The following SLC22A3 variants were observed in gnomAD, a reference collection of about 807,000 sequenced individuals.
SLC22A3 encodes EMT organic cation transporter 3.
A neutral mutation model predicts 59.1 loss-of-function variants in SLC22A3; 51 were observed. That is an observed-to-expected ratio of 0.86 (90% confidence interval 0.69 to 1.09). The LOEUF (loss-of-function observed/expected upper bound fraction) is 1.09, where lower values mean the gene tolerates loss of function less well. SLC22A3 is among the 50% of genes least tolerant of loss of function. The pLI is 0.00. For missense variants in SLC22A3, 711 were observed against 726.3 expected, an observed-to-expected ratio of 0.98 and a Z score of 0.24; for synonymous variants, 325 against 292.0, an observed-to-expected ratio of 1.11 and a Z score of -1.15.
At chr6:160,364,101 G>T (rs916161688) in intron 1 of SLC22A3, among the ~76,000 whole-genome samples, 1 of 152,132 alleles carries the variant, frequency 6.6e-6, no homozygotes, top group Non-Finnish European at 1.5e-5. Context: ...AATAAATGTG[G>T]TGTAGCCATT....
intron 1 of SLC22A3, among the ~76,000 whole-genome samples, chr6:160,358,968 G>T (rs549512185): frequency 3.9e-5 from 6 of 152,164 alleles, no homozygotes; most frequent in Non-Finnish European, 8.8e-5. Context: ...GAACTCCATC[G>T]CATGTTTTCT....
intron 1 of SLC22A3, among the ~76,000 whole-genome samples, chr6:160,376,414 G>A (rs915847424): frequency 1.3e-5 from 2 of 152,172 alleles, no homozygotes; most frequent in African/African-American, 4.8e-5. Flanking sequence ...GCTAATGCTC[G>A]TGGGTCTTAA....
chr6:160,449,171 C>G (rs1254076289), intron 10 of SLC22A3, among the ~76,000 whole-genome samples: 2 of 152,106 alleles, frequency 1.3e-5, no homozygotes, highest in Non-Finnish European at 2.9e-5. Context: ...GACTTTTCTA[C>G]TGCTTCAGTA....
At chr6:160,361,474 C>T (rs368977058) in intron 1 of SLC22A3, among the ~76,000 whole-genome samples, 6 of 152,258 alleles carry the variant, frequency 3.9e-5, no homozygotes, top group East Asian at 3.9e-4. Flanking sequence ...AATCAAGGGT[C>T]GTTATGGGAG....
intron 1 of SLC22A3, 111 bp from the exon 2 acceptor site, chr6:160,397,868 A>C: frequency 1.2e-6 from 1 of 830,266 alleles, no homozygotes; most frequent in Non-Finnish European, 2.1e-6. Context: ...AATTTATTTA[A>C]AGAGTATATG....
chr6:160,389,687 G>A (rs1786171793), intron 1 of SLC22A3, among the ~76,000 whole-genome samples: 1 of 152,238 alleles, frequency 6.6e-6, no homozygotes, highest in South Asian at 2.1e-4. Flanking sequence ...GATGGTCAGA[G>A]CGAGGCTGCA....
At chr6:160,429,704 G>T (rs993991372) in intron 5 of SLC22A3, among the ~76,000 whole-genome samples, 1 of 152,176 alleles carries the variant, frequency 6.6e-6, no homozygotes, top group Non-Finnish European at 1.5e-5. Context: ...ACTTTGAGTT[G>T]CAAGGTTGCG....
chr6:160,364,471 T>G (rs1442833847), intron 1 of SLC22A3, among the ~76,000 whole-genome samples: 1 of 152,244 alleles, frequency 6.6e-6, no homozygotes, highest in Non-Finnish European at 1.5e-5. Flanking sequence ...ATTGTTCATC[T>G]TGATGGGATT....
At chr6:160,376,114 G>T (rs569183981) in intron 1 of SLC22A3, among the ~76,000 whole-genome samples, 1 of 152,070 alleles carries the variant, frequency 6.6e-6, no homozygotes, top group Non-Finnish European at 1.5e-5. Context: ...ATGCCCATCA[G>T]TGATAAAGAA....
chr6:160,448,602 G>C (rs1788836848), intron 10 of SLC22A3, among the ~76,000 whole-genome samples: 1 of 151,934 alleles, frequency 6.6e-6, no homozygotes, highest in Non-Finnish European at 1.5e-5. Context: ...GTTTAAATAG[G>C]GTATAAGTAA....
intron 1 of SLC22A3, among the ~76,000 whole-genome samples, chr6:160,394,146 A>C (rs543358169): frequency 6.6e-6 from 1 of 152,360 alleles, no homozygotes; most frequent in South Asian, 2.1e-4. Flanking sequence ...ACTTTGAAAA[A>C]AAATAGGAGA....
chr6:160,422,850 A>G (rs923066420), intron 5 of SLC22A3, among the ~76,000 whole-genome samples: 8 of 151,528 alleles, frequency 5.3e-5, no homozygotes, highest in African/African-American at 1.9e-4. Flanking sequence ...TTTAAGTTAT[A>G]CTTTAAGTTC....
chr6:160,444,487 G>C (rs1333818196), intron 9 of SLC22A3, among the ~76,000 whole-genome samples: 1 of 152,192 alleles, frequency 6.6e-6, no homozygotes, highest in Non-Finnish European at 1.5e-5. Context: ...AGGTGACACA[G>C]GATCCCGGGC....
chr6:160,385,904 G>A (rs1466370251), intron 1 of SLC22A3, among the ~76,000 whole-genome samples: 3 of 152,166 alleles, frequency 2.0e-5, no homozygotes, highest in Non-Finnish European at 2.9e-5. Flanking sequence ...CCTTTCAATT[G>A]GAATGGGGAG....
intron 5 of SLC22A3, among the ~76,000 whole-genome samples, chr6:160,425,215 AT>A (rs1787903611): frequency 1.3e-5 from 2 of 152,302 alleles, no homozygotes; most frequent in South Asian, 4.1e-4. Context: ...TGCAGTGAAC[AT>A]TTTTTCACAT....
rs961213755 is a variant in SLC22A3, at chr6:160,443,727, C to T, written c.1495C>T (p.Pro499Ser). 4 of 1,608,466 alleles carry T rather than the reference C, an allele frequency of 2.5e-6. No homozygotes were observed. The African/African-American group carries it at 4.0e-5, about 16-fold the overall frequency. ...FRLAAVWLEL[P>S]LIIFGILASI... is the part of the protein sequence containing the mutation. Reference sequence around the variant, plus strand: ...GCTAGCAGCCGTGTGGCTAGAACTACCTCTGATCATCTTTGGTAAGAACTC... The same window carrying T: ...GCTAGCAGCCGTGTGGCTAGAACTATCTCTGATCATCTTTGGTAAGAACTC... The change falls in exon 9 of 11, where the codon CCT becomes TCT. Residue 499 changes from proline (P) to serine (S), a missense_variant. Coordinates refer to ENST00000275300, the MANE Select transcript of SLC22A3 (RefSeq NM_021977.4).
chr6:160,431,701 T>C (rs764170689), intron 5 of SLC22A3, among the ~76,000 whole-genome samples: 57 of 152,142 alleles, frequency 3.7e-4, no homozygotes, highest in Admixed American at 2.3e-3. Context: ...ATGGAGTGGA[T>C]TGGAGTATAG....
intron 2 of SLC22A3, among the ~76,000 whole-genome samples, chr6:160,399,216 T>C (rs901296309): frequency 3.9e-5 from 6 of 152,132 alleles, no homozygotes; most frequent in Admixed American, 3.9e-4. Flanking sequence ...CTTTCCCCTT[T>C]TTCTTCTTTT....
At chr6:160,427,882 T>C (rs138232576) in intron 5 of SLC22A3, among the ~76,000 whole-genome samples, 1,656 of 152,308 alleles carry the variant, frequency 0.011, 18 homozygotes, top group Non-Finnish European at 0.018. Context: ...AAATGTGATA[T>C]TTAGAACCTT....
Sources: gnomAD v4.1 joint callset for allele counts (sites outside exome capture counted in the v4.1 genomes callset) on GRCh38, gnomAD v4.1.1 for gene constraint, MANE v1.5 for transcripts, NCBI Gene and HGNC (gene_info 2026-07-23, HGNC 2026-07-21) for gene names.